Variants in PKHD1 observed in about 807,000 individuals in gnomAD.
The protein encoded by PKHD1 is fibrocystin.
A neutral mutation model predicts 412.0 loss-of-function variants in PKHD1; 291 were observed. That is an observed-to-expected ratio of 0.71 (90% CI 0.64 to 0.78). The LOEUF (loss-of-function observed/expected upper bound fraction) is 0.78, where lower values mean the gene tolerates loss of function less well. PKHD1 is among the 30% of genes least tolerant of loss of function. The probability of loss-of-function intolerance (pLI) is 0.00; values close to 1 mark genes in which losing one functional copy is unlikely to be tolerated. For missense variants in PKHD1, 4,825 were observed against 4,950.7 expected, an observed-to-expected ratio of 0.97 and a Z score of 0.76; for synonymous variants, 1,777 against 1,821.5, an observed-to-expected ratio of 0.98 and a Z score of 0.62.
At position 51,659,921 on chromosome 6, in the gene PKHD1, C is replaced by G; in HGVS notation, c.10205G>C (p.Gly3402Ala). 1 of 1,612,382 alleles carries G rather than the reference C, an allele frequency of 6.2e-7. No individual in the cohort carries two copies. Among genetic ancestry groups the G allele is most frequent in the South Asian group, 1.1e-5 (1 of 91,056 alleles). The change falls in exon 61 of 67, where the codon GGA becomes GCA. Residue 3402 changes from glycine to alanine, a missense_variant. By Grantham distance (60) the Gly-to-Ala change is moderately conservative. Coordinates refer to ENST00000371117, the MANE Select transcript of PKHD1 (RefSeq NM_138694.4). ...TTGGTCAGTCTGTTTGCAGATGAAT[C>G]CTTGCATCAGAAATTGGTATGTACA... ...QKCTYQFLMQ[G>A]FICKQTDQVV... is the part of the protein sequence containing the mutation.
chr6:51,891,389 C>A (rs932098363), intron 43 of PKHD1, among the ~76,000 whole-genome samples: 1 of 152,106 alleles, frequency 6.6e-6, no homozygotes. Flanking sequence ...AAGCGATTCT[C>A]CTGCCTTAGC....
chr6:51,736,104 A>C (rs572140790), intron 60 of PKHD1, among the ~76,000 whole-genome samples: 49 of 152,324 alleles, frequency 3.2e-4, no homozygotes, highest in African/African-American at 1.2e-3. Context: ...GAGGTAACTC[A>C]TTGAAAGGTC....
At chr6:52,057,564 A>G (rs1007237914) in intron 16 of PKHD1, among the ~76,000 whole-genome samples, 24 of 152,054 alleles carry the variant, frequency 1.6e-4, no homozygotes, top group African/African-American at 5.8e-4. Context: ...TTACAGGCAC[A>G]TGCCACCATG....
intron 35 of PKHD1, among the ~76,000 whole-genome samples, chr6:51,964,793 T>A (rs1792566947): frequency 6.6e-6 from 1 of 152,128 alleles, no homozygotes; most frequent in South Asian, 2.1e-4. Flanking sequence ...TTATTTACCT[T>A]TTTTGTGACA....
At chr6:52,077,157 A>G (rs1279576912) in intron 5 of PKHD1, among the ~76,000 whole-genome samples, 1 of 152,192 alleles carries the variant, frequency 6.6e-6, no homozygotes, top group Non-Finnish European at 1.5e-5. Context: ...ATTTTTGTGA[A>G]TGAAAAGAGT....
chr6:51,950,633 A>G (rs1319295381), intron 36 of PKHD1, among the ~76,000 whole-genome samples: 4 of 152,202 alleles, frequency 2.6e-5, no homozygotes, highest in Non-Finnish European at 2.9e-5. Flanking sequence ...TTACCAGGTG[A>G]TGCCAGTGCT....
chr6:51,804,196 T>C (rs927860), intron 52 of PKHD1, among the ~76,000 whole-genome samples: 91,544 of 150,404 alleles, frequency 0.61, 28,823 homozygotes, highest in East Asian at 0.83. Context: ...CATTTGCTCA[T>C]AACTACCAAA....
chr6:51,748,679 C>T lies in PKHD1; in HGVS notation c.8951-14G>A. ...GTTGAAGGACACCTATAAACAAATGCATGTCATCAGGTACTTTCCTCTTCC... is the reference window on the plus strand; with the variant it reads ...GTTGAAGGACACCTATAAACAAATGTATGTCATCAGGTACTTTCCTCTTCC... On this transcript the variant is annotated splice_polypyrimidine_tract_variant and intron_variant, in intron 57 of 66. Transcript: ENST00000371117. The T allele has an allele frequency of 6.2e-7, 1 of 1,612,414 alleles. No individual in the cohort carries two copies. Among genetic ancestry groups the T allele is most frequent in the Non-Finnish European group, 8.5e-7 (1 of 1,178,746 alleles).
At chr6:51,816,652 C>A (rs1484004272) in intron 52 of PKHD1, among the ~76,000 whole-genome samples, 1 of 152,214 alleles carries the variant, frequency 6.6e-6, no homozygotes, top group Non-Finnish European at 1.5e-5. Context: ...GAGTTTCAGC[C>A]AGTCAAAGGC....
At chr6:51,751,362 G>A (rs1229977933) in intron 57 of PKHD1, among the ~76,000 whole-genome samples, 1 of 152,056 alleles carries the variant, frequency 6.6e-6, no homozygotes, top group African/African-American at 2.4e-5. Context: ...TCTTAATGCA[G>A]GGTATAAACC....
intron 55 of PKHD1, among the ~76,000 whole-genome samples, chr6:51,756,028 G>T (rs1786952962): frequency 6.6e-6 from 1 of 152,026 alleles, no homozygotes; most frequent in Non-Finnish European, 1.5e-5. Context: ...ATAGTATTAA[G>T]CCCCTAAAAG....
chr6:51,872,443 C>G (rs1776126693), intron 46 of PKHD1, among the ~76,000 whole-genome samples: 1 of 151,628 alleles, frequency 6.6e-6, no homozygotes, highest in Non-Finnish European at 1.5e-5. Context: ...GAATCTCACT[C>G]TGTTGCACAG....
At chr6:51,663,802 G>A (rs1239807578) in intron 60 of PKHD1, among the ~76,000 whole-genome samples, 1 of 152,020 alleles carries the variant, frequency 6.6e-6, no homozygotes. Context: ...CTTAATATAT[G>A]TTAGGCAATA....
At chr6:51,965,464 C>A (rs1285318989) in intron 35 of PKHD1, among the ~76,000 whole-genome samples, 2 of 151,830 alleles carry the variant, frequency 1.3e-5, no homozygotes, top group Non-Finnish European at 2.9e-5. Flanking sequence ...TGAATAGAGC[C>A]CCTAACCTAT....
At chr6:51,975,199 G>T (rs904015793) in intron 35 of PKHD1, among the ~76,000 whole-genome samples, 1 of 152,000 alleles carries the variant, frequency 6.6e-6, no homozygotes, top group Non-Finnish European at 1.5e-5. Flanking sequence ...ACGTTTCTTT[G>T]TTTTTACTTA....
At chr6:51,940,344 C>T (rs1399345324) in intron 36 of PKHD1, among the ~76,000 whole-genome samples, 1 of 151,662 alleles carries the variant, frequency 6.6e-6, no homozygotes, top group Non-Finnish European at 1.5e-5. Context: ...CAATTCCTTG[C>T]CTCCACTGTG....
intron 60 of PKHD1, among the ~76,000 whole-genome samples, chr6:51,715,247 C>G (rs1274133542): frequency 1.3e-5 from 2 of 152,048 alleles, no homozygotes; most frequent in Non-Finnish European, 2.9e-5. Context: ...AGGAAATGGA[C>G]TCAGGGAGCA....
rs566034664 is a variant in PKHD1 at position 51,788,865 on chromosome 6, T to G, written c.8440+2371A>C. Among the ~76,000 whole-genome samples, 3 of 152,332 alleles carry G rather than the reference T, an allele frequency of 2.0e-5. No individual in the cohort carries two copies. In the South Asian group the frequency reaches 6.2e-4, roughly 32 times the overall value. On this transcript the variant is annotated intron_variant, in intron 53 of 66. Transcript: ENST00000371117. The stretch of plus-strand genomic sequence containing the variant: ...CCAAGCACTTCCTATGAGTTATGTT[T>G]AATATCCCTCTGAAGAAGGTTCTAC...
At position 51,775,793 on chromosome 6, in the gene PKHD1, A is replaced by G. The variant is rs767952398; in HGVS notation, c.8554+15T>C. 1 of 1,166,300 alleles carries G rather than the reference A, an allele frequency of 8.6e-7. No individual in the cohort carries two copies. Among genetic ancestry groups the G allele is most frequent in the Non-Finnish European group, 1.3e-6 (1 of 775,036 alleles). 72.2% of individuals were successfully genotyped at this position (1,166,300 alleles called of 1,614,324 possible). On this transcript the variant is annotated intron_variant, in intron 54 of 66. Transcript: ENST00000371117. Reference sequence around the variant, plus strand: ...ATGCATTTTATTTTTAATAAAAACTATATTATACTCTTACCAATTGTTCCT... The same window carrying G: ...ATGCATTTTATTTTTAATAAAAACTGTATTATACTCTTACCAATTGTTCCT...
Sources: allele counts gnomAD v4.1 joint callset (sites outside exome capture counted in the v4.1 genomes callset), GRCh38; gene constraint gnomAD v4.1.1; transcripts MANE v1.5; gene names NCBI Gene and HGNC (gene_info 2026-07-23, HGNC 2026-07-21).